The following ERCC1 variants were observed in gnomAD, a reference collection of about 807,000 sequenced individuals.
The protein encoded by ERCC1 is DNA excision repair protein ERCC-1.
Under a neutral mutation model 37.6 loss-of-function variants are expected in ERCC1, and 36 were observed. The observed-to-expected ratio is 0.96, with a 90% CI of 0.73 to 1.26. The LOEUF is 1.26. ERCC1 is among the 50% of genes most tolerant of loss of function. The pLI, the probability that ERCC1 is intolerant of heterozygous loss-of-function variation, is 0.00. For missense variants in ERCC1, 349 were observed against 376.5 expected (o/e 0.93, Z 0.60); for synonymous variants, 156 against 162.1 (o/e 0.96, Z 0.28).
rs112521888 is a variant in ERCC1, at chr19:45,443,475, A to T, written c.-7-20094T>A. Among the ~76,000 whole-genome samples, 472 of 152,252 alleles carry T rather than the reference A, an allele frequency of 3.1e-3. 1 individual carries two copies. The highest frequency in any genetic ancestry group is 4.7e-3 in the Non-Finnish European group (318 of 67,990). On this transcript the variant is annotated intron_variant, in intron 1 of 8. Transcript: ENST00000423698. Reference sequence around the variant, plus strand: ...GGTCCCAGATCCCAGATCGCCAGTGAGTAAGAAAACGGGTTCGCGCCGTTG... The same window carrying T: ...GGTCCCAGATCCCAGATCGCCAGTGTGTAAGAAAACGGGTTCGCGCCGTTG...
intron 1 of ERCC1, among the ~76,000 whole-genome samples, chr19:45,437,265 A>AAT (rs1404702722): frequency 1.3e-5 from 2 of 151,576 alleles, no homozygotes; most frequent in African/African-American, 4.9e-5. Context: ...AGAAAAAGAA[A>AAT]ATATATATGT....
upstream of ERCC1, among the ~76,000 whole-genome samples, chr19:45,428,009 TTCC>T (rs1443543360): frequency 2.6e-5 from 4 of 152,166 alleles, no homozygotes; most frequent in Admixed American, 2.6e-4. Context: ...TCTACGTTAT[TTCC>T]AAGTTGGCAA....
At chr19:45,428,206 A>G (rs1415638056), upstream of ERCC1, among the ~76,000 whole-genome samples, 3 of 133,166 alleles carry the variant, frequency 2.3e-5, no homozygotes, top group Non-Finnish European at 3.1e-5. Context: ...ACATCAGCTT[A>G]CCGAGTAGCT....
At chr19:45,419,462 T>A in intron 4 of ERCC1, 1 of 460,686 alleles carries the variant, frequency 2.2e-6, no homozygotes, top group Non-Finnish European at 4.0e-6. Context: ...AGACTTGGGC[T>A]TCAAGGGGAG....
chr19:45,440,942 C>T (rs1001283830), intron 1 of ERCC1, among the ~76,000 whole-genome samples: 6 of 152,142 alleles, frequency 3.9e-5, no homozygotes, highest in African/African-American at 9.7e-5. Flanking sequence ...ATGCCTTGCC[C>T]GCCTTGTCCA....
chr19:45,439,422 G>C (rs1355817197), intron 1 of ERCC1, among the ~76,000 whole-genome samples: 1 of 152,154 alleles, frequency 6.6e-6, no homozygotes, highest in Non-Finnish European at 1.5e-5. Flanking sequence ...AATAGGCCGG[G>C]TGCAGTGGCT....
rs200817376 is a variant in ERCC1 at position 45,408,764 on chromosome 19, G to A, written c.*911C>T. The A allele has an allele frequency of 4.3e-6, 7 of 1,613,902 alleles. No individual in the cohort carries two copies. Among genetic ancestry groups the A allele is most frequent in the Non-Finnish European group, 5.9e-6 (7 of 1,180,000 alleles). ...AGGGAAAGAAACCTTCGAGCCAGAAGACAAGACAGTGAAGCAGGAACAGAT... is the reference window on the plus strand; with the variant it reads ...AGGGAAAGAAACCTTCGAGCCAGAAAACAAGACAGTGAAGCAGGAACAGAT... On this transcript the variant is annotated 3_prime_UTR_variant, in exon 10 of 10. Coordinates refer to ENST00000300853, the MANE Select transcript of ERCC1 (RefSeq NM_001983.4).
In ERCC1 at chr19:45,420,344, G is replaced by A. The variant is rs2123511456; in HGVS notation, c.405C>T (p.Ser135=). 1 of 1,612,930 alleles carries A rather than the reference G, an allele frequency of 6.2e-7. No individual in the cohort carries two copies. Among genetic ancestry groups the A allele is most frequent in the Non-Finnish European group, 8.5e-7 (1 of 1,179,298 alleles). The part of the protein sequence containing the change: ...DVIPDYVLGQ[S]TCALFLSLRY... ...CTCACCTGAGGAACAGGGCACAGGT[G>A]CTCTGGCCCAGCACATAGTCGGGAA... Residue 135 remains serine, a synonymous_variant, in exon 4 of 10, where the codon AGC becomes AGT. Transcript: ENST00000300853. The surrounding 1 kb of genome is among the most constrained non-coding windows in gnomAD (Gnocchi z 4.8).
intron 6 of ERCC1, 70 bp from the exon 7 acceptor site, chr19:45,415,030 GT>G: frequency 8.0e-7 from 1 of 1,254,252 alleles, no homozygotes; most frequent in Non-Finnish European, 1.2e-6. Flanking sequence ...ATTATGGTCA[GT>G]CATAAGAATT....
At chr19:45,428,254 T>C (rs1974749148), upstream of ERCC1, among the ~76,000 whole-genome samples, 2 of 146,054 alleles carry the variant, frequency 1.4e-5, no homozygotes, top group South Asian at 4.4e-4. Flanking sequence ...GGCCAACTTT[T>C]GTATTTTTTT....
chr19:45,448,881 C>T (rs1326613524), intron 1 of ERCC1, among the ~76,000 whole-genome samples: 1 of 152,036 alleles, frequency 6.6e-6, no homozygotes, highest in South Asian at 2.1e-4. Context: ...CCAGAAACAG[C>T]CAGTGCCATG....
Position 45,407,992 on chromosome 19 carries a change from T to C in ERCC1, c.*1683A>G. The C allele has an allele frequency of 1.8e-6, 2 of 1,103,448 alleles. No homozygotes were observed. The highest frequency in any genetic ancestry group is 1.2e-6 in the Non-Finnish European group (1 of 802,326). The allele number at this position is 1,103,448 out of a possible 1,614,324, so 68.4% of individuals were successfully genotyped here. On this transcript the variant is annotated 3_prime_UTR_variant, in exon 10 of 10. Transcript: ENST00000300853. The stretch of plus-strand genomic sequence containing the variant: ...TCGCTTGAACCCAGGAGGTGGACAT[T>C]GCAGTGAGCCGAGATCATGCCACTG...
At position 45,420,038 on chromosome 19, in the gene ERCC1, C is replaced by T. The variant is rs1218544974; in HGVS notation, c.425+286G>A. Among the ~76,000 whole-genome samples the T allele has an allele frequency of 2.0e-5, 3 of 151,046 alleles. No homozygotes were observed. In the East Asian group the frequency reaches 5.9e-4, roughly 30 times the overall value. On this transcript the variant is annotated intron_variant, in intron 4 of 9. Transcript: ENST00000300853. This position sits in a 1 kb window ranked among gnomAD's most constrained non-coding sequence, Gnocchi z 4.8. ...GAGTCTAGGCCCCAGCCCCTCCTCC[C>T]TCAGATCCCCAGGAGTCCAGCCCTC...
intron 1 of ERCC1, 189 bp downstream of exon 1, chr19:45,423,592 A>C: frequency 7.1e-7 from 1 of 1,400,204 alleles, no homozygotes; most frequent in Non-Finnish European, 9.3e-7. Context: ...CACAAGTCCC[A>C]TCGCTCCGCC....
chr19:45,428,481 G>A (rs545129326), upstream of ERCC1, among the ~76,000 whole-genome samples: 3 of 152,278 alleles, frequency 2.0e-5, no homozygotes, highest in South Asian at 4.1e-4. Context: ...TCCCCCAGCC[G>A]TATCCAAGCT....
At chr19:45,423,066 C>T (rs1178490700) in intron 2 of ERCC1, among the ~76,000 whole-genome samples, 2 of 152,162 alleles carry the variant, frequency 1.3e-5, no homozygotes, top group African/African-American at 2.4e-5. Context: ...CAGTGTCTGG[C>T]CTCTGCCTTA....
chr19:45,425,339 G>C (rs1031922772), upstream of ERCC1, among the ~76,000 whole-genome samples: 1 of 151,984 alleles, frequency 6.6e-6, no homozygotes, highest in African/African-American at 2.4e-5. Context: ...AAACAGTAAT[G>C]ACCTAGAATG....
chr19:45,432,994 C>T (rs1432097381), intron 1 of ERCC1, among the ~76,000 whole-genome samples: 1 of 152,190 alleles, frequency 6.6e-6, no homozygotes, highest in Admixed American at 6.5e-5. Context: ...GCAGGAGAAT[C>T]GCTTGAACCT....
At chr19:45,431,203 CACACACGTGAGG>C (rs1425369103) in intron 1 of ERCC1, among the ~76,000 whole-genome samples, 10 of 152,224 alleles carry the variant, frequency 6.6e-5, no homozygotes, top group African/African-American at 2.4e-4. Flanking sequence ...CAAATGCAGA[CACACACGTGAGG>C]ACCCAGCTGT....
Sources: gnomAD v4.1 joint callset for allele counts (sites outside exome capture counted in the v4.1 genomes callset) on GRCh38, gnomAD v4.1.1 for gene constraint, Gnocchi (gnomAD v3.1) non-coding constraint, MANE v1.5 for transcripts, NCBI Gene and HGNC (gene_info 2026-07-23, HGNC 2026-07-21) for gene names.